The following NELL1 variants were observed in gnomAD, a reference collection of about 807,000 sequenced individuals.
NELL1 encodes neural EGFL like 1.
NELL1 carries 76 observed loss-of-function variants against 107.4 expected under a neutral mutation model. The ratio of observed to expected loss-of-function variants is 0.71; its 90% CI spans 0.59 to 0.86. NELL1 has a LOEUF of 0.86. Among genes scored for constraint, NELL1 ranks in the 40% least tolerant of loss-of-function variants. The pLI is 0.00. For synonymous variants in NELL1, 353 were observed against 341.2 expected (o/e 1.03, Z -0.38); for missense variants, 1,024 against 1,005.5 (o/e 1.02, Z -0.25).
intron 12 of NELL1, among the ~76,000 whole-genome samples, chr11:20,973,477 C>G (rs1466218358): frequency 6.6e-6 from 1 of 152,148 alleles, no homozygotes; most frequent in Non-Finnish European, 1.5e-5. Context: ...GTTTCTGATT[C>G]ATCTTTATAT....
At chr11:21,557,043 G>A (rs1393472425) in intron 16 of NELL1, among the ~76,000 whole-genome samples, 3 of 151,900 alleles carry the variant, frequency 2.0e-5, no homozygotes, top group Admixed American at 2.0e-4. Flanking sequence ...TCTTCCCGTT[G>A]GCTGCCTTGG....
At chr11:20,820,921 T>C (rs572452684) in intron 3 of NELL1, among the ~76,000 whole-genome samples, 1 of 152,346 alleles carries the variant, frequency 6.6e-6, no homozygotes, top group South Asian at 2.1e-4. Context: ...ATTTTGTTTC[T>C]TTCTCTTTTC....
At chr11:20,894,921 T>G (rs1233698359) in intron 5 of NELL1, among the ~76,000 whole-genome samples, 2 of 152,082 alleles carry the variant, frequency 1.3e-5, no homozygotes, top group Non-Finnish European at 2.9e-5. Context: ...GTCCATTGCC[T>G]GAGTATAATA....
intron 2 of NELL1, among the ~76,000 whole-genome samples, chr11:20,750,628 C>T (rs1590258876): frequency 6.6e-6 from 1 of 151,970 alleles, no homozygotes; most frequent in Non-Finnish European, 1.5e-5. Context: ...TGTCACGTCA[C>T]TCAGGCTGGC....
intron 12 of NELL1, among the ~76,000 whole-genome samples, chr11:21,092,736 G>C (rs1001878865): frequency 1.3e-5 from 2 of 152,162 alleles, no homozygotes; most frequent in African/African-American, 2.4e-5. Flanking sequence ...TACATAGCAA[G>C]GTACAGAAGC....
At chr11:20,780,151 C>T (rs7119378) in intron 2 of NELL1, among the ~76,000 whole-genome samples, 6,793 of 152,174 alleles carry the variant, frequency 0.045, 534 homozygotes, top group African/African-American at 0.15. Context: ...GTGTGCCAAT[C>T]ATTTTTAAAA....
intron 13 of NELL1, among the ~76,000 whole-genome samples, chr11:21,139,942 A>C (rs1411421014): frequency 6.6e-6 from 1 of 152,158 alleles, no homozygotes. Flanking sequence ...CTTTATGCTA[A>C]GCCTCCTGGG....
intron 4 of NELL1, among the ~76,000 whole-genome samples, chr11:20,858,001 C>T (rs370236416): frequency 1.9e-4 from 29 of 152,144 alleles, no homozygotes; most frequent in Admixed American, 6.5e-4. Context: ...CGTAACAGGA[C>T]GGGCTACAGT....
intron 13 of NELL1, among the ~76,000 whole-genome samples, chr11:21,135,573 G>A (rs1855727482): frequency 1.3e-5 from 2 of 152,158 alleles, no homozygotes; most frequent in South Asian, 2.1e-4. Context: ...TAACCCATCT[G>A]AGCCTGTTTC....
chr11:21,101,601 A>G (rs1854816815), intron 12 of NELL1, among the ~76,000 whole-genome samples: 4 of 151,902 alleles, frequency 2.6e-5, no homozygotes, highest in Admixed American at 2.6e-4. Flanking sequence ...GATGATGAGC[A>G]TTTTTTCATG....
intron 4 of NELL1, among the ~76,000 whole-genome samples, chr11:20,857,574 A>G (rs953338532): frequency 5.9e-5 from 9 of 152,188 alleles, no homozygotes; most frequent in African/African-American, 2.2e-4. Context: ...AAAGCACTGA[A>G]GCAGCTGGAA....
chr11:20,709,727 T>G (rs186906939), intron 2 of NELL1, among the ~76,000 whole-genome samples: 6 of 152,330 alleles, frequency 3.9e-5, no homozygotes, highest in Admixed American at 3.9e-4. Context: ...CAATAGTGTT[T>G]TGTAGTTTTC....
chr11:21,500,500 A>G (rs1590983483), intron 15 of NELL1, among the ~76,000 whole-genome samples: 1 of 152,018 alleles, frequency 6.6e-6, no homozygotes, highest in Non-Finnish European at 1.5e-5. Context: ...TTTGTCCTTT[A>G]TGACTTTAAT....
intron 4 of NELL1, among the ~76,000 whole-genome samples, chr11:20,866,993 G>T (rs1213555448): frequency 4.6e-5 from 7 of 152,134 alleles, no homozygotes; most frequent in Non-Finnish European, 7.4e-5. Flanking sequence ...TGGCTATGTT[G>T]GGCACAAGAC....
chr11:21,320,278 T>A (rs981511646), intron 14 of NELL1, among the ~76,000 whole-genome samples: 3 of 152,180 alleles, frequency 2.0e-5, no homozygotes, highest in Non-Finnish European at 4.4e-5. Context: ...ATTATTTTTG[T>A]TTTTCCTCTG....
chr11:20,982,584 A>G (rs1411286357), intron 12 of NELL1, among the ~76,000 whole-genome samples: 1 of 152,222 alleles, frequency 6.6e-6, no homozygotes, highest in East Asian at 1.9e-4. Flanking sequence ...GTAGTGAGAT[A>G]TAGGATGTTA....
intron 3 of NELL1, among the ~76,000 whole-genome samples, chr11:20,840,475 G>A (rs542502696): frequency 1.3e-5 from 2 of 152,210 alleles, no homozygotes; most frequent in Non-Finnish European, 2.9e-5. Context: ...AGCTGGGCAG[G>A]CCAGCTGGAG....
At chr11:20,690,068 G>T (rs1231549869) in intron 2 of NELL1, among the ~76,000 whole-genome samples, 4 of 152,126 alleles carry the variant, frequency 2.6e-5, no homozygotes, top group Non-Finnish European at 5.9e-5. Flanking sequence ...GTGTCTTCTG[G>T]CTGCATAAAT....
intron 5 of NELL1, among the ~76,000 whole-genome samples, chr11:20,903,312 A>C (rs1448122014): frequency 1.3e-5 from 2 of 152,020 alleles, no homozygotes; most frequent in Non-Finnish European, 2.9e-5. Flanking sequence ...TTCCTGGTGA[A>C]GCTCTCCTTT....
Sources: gnomAD v4.1 joint callset for allele counts (sites outside exome capture counted in the v4.1 genomes callset) on GRCh38, gnomAD v4.1.1 for gene constraint, MANE v1.5 for transcripts, NCBI Gene and HGNC (gene_info 2026-07-23, HGNC 2026-07-21) for gene names.